The following LRMDA variants were observed in gnomAD, a reference collection of about 807,000 sequenced individuals.
LRMDA encodes leucine-rich melanocyte differentiation-associated protein.
In LRMDA, 18 loss-of-function variants were observed where a neutral mutation model predicts 29.8. The observed-to-expected ratio is 0.60, with a 90% CI of 0.42 to 0.90. The LOEUF is 0.90. LRMDA is among the 40% of genes least tolerant of loss of function. LRMDA has a pLI of 0.00. For synonymous variants in LRMDA, 125 were observed against 109.4 expected (o/e 1.14, Z -0.89); for missense variants, 273 against 273.9 (o/e 1.00, Z 0.02).
At chr10:75,765,998 G>A (rs923461600) in intron 2 of LRMDA, among the ~76,000 whole-genome samples, 8 of 152,200 alleles carry the variant, frequency 5.3e-5, no homozygotes, top group Non-Finnish European at 1.2e-4. Flanking sequence ...GGTGAGGAGG[G>A]CGTGGAGAAC....
intron 2 of LRMDA, among the ~76,000 whole-genome samples, chr10:75,774,963 G>A (rs1031532484): frequency 1.3e-4 from 20 of 152,332 alleles, no homozygotes; most frequent in Middle Eastern, 3.4e-3. Flanking sequence ...GGTGGGAGGT[G>A]TGGGGGAGGA....
At chr10:76,245,704 A>G (rs1477757188) in intron 5 of LRMDA, among the ~76,000 whole-genome samples, 1 of 152,158 alleles carries the variant, frequency 6.6e-6, no homozygotes, top group Non-Finnish European at 1.5e-5. Context: ...AATTGAACAC[A>G]TGTCTGTGTG....
At chr10:75,864,704 C>G (rs1230332743) in intron 2 of LRMDA, among the ~76,000 whole-genome samples, 1 of 152,158 alleles carries the variant, frequency 6.6e-6, no homozygotes. Context: ...AAATAATTTA[C>G]TTTTATCATC....
chr10:75,896,529 G>A (rs562305198), intron 2 of LRMDA, among the ~76,000 whole-genome samples: 4 of 152,184 alleles, frequency 2.6e-5, no homozygotes, highest in Non-Finnish European at 5.9e-5. Context: ...CCTGTGGCCT[G>A]TGGTGTTGCC....
In LRMDA at chr10:75,643,690, G is replaced by A. The variant is rs191200233; in HGVS notation, c.131+205196G>A. ...AATGAGTTGGGGCTGGAGTTAATTG[G>A]TAAGACCTCTTCCAACATTAGAATG... On this transcript the variant is annotated intron_variant, in intron 2 of 6. Transcript: ENST00000611255. 7.2e-5 allele frequency among the ~76,000 whole-genome samples: 11 copies of A among 152,254 alleles called. No homozygotes were observed. In the East Asian group the frequency reaches 2.1e-3, roughly 29 times the overall value.
intron 5 of LRMDA, among the ~76,000 whole-genome samples, chr10:76,213,269 T>C (rs140931555): frequency 1.3e-5 from 2 of 152,336 alleles, no homozygotes; most frequent in African/African-American, 4.8e-5. Context: ...TCAGACTGTA[T>C]ATGAGATTGG....
intron 2 of LRMDA, among the ~76,000 whole-genome samples, chr10:75,620,958 G>A (rs1991611): frequency 0.5 from 75,560 of 151,958 alleles, 19,603 homozygotes; most frequent in Middle Eastern, 0.6. Context: ...TGTACACTGT[G>A]CCCAGTGTGT....
At chr10:75,763,049 T>C (rs896241516) in intron 2 of LRMDA, among the ~76,000 whole-genome samples, 1 of 152,224 alleles carries the variant, frequency 6.6e-6, no homozygotes, top group Non-Finnish European at 1.5e-5. Context: ...TTATCCCTTT[T>C]TTCATGTCTA....
At position 76,058,471 on chromosome 10, in the gene LRMDA, T is replaced by C. The variant is rs538972567; in HGVS notation, c.399-195T>C. 2.4e-3 allele frequency among the ~76,000 whole-genome samples: 372 copies of C among 152,316 alleles called. 2 individuals are homozygous for C. The highest frequency in any genetic ancestry group is 7.5e-3 in the African/African-American group (311 of 41,568). ...TGTGCTTCTAATGTTTAGTTGTGCA[T>C]GTGTGTAAGATAGAATCATTCTGAC... On this transcript the variant is annotated intron_variant, in intron 4 of 6. Transcript: ENST00000611255.
intron 5 of LRMDA, among the ~76,000 whole-genome samples, chr10:76,131,054 G>A (rs1849983621): frequency 1.3e-5 from 2 of 152,112 alleles, no homozygotes; most frequent in African/African-American, 4.8e-5. Flanking sequence ...AGCAGCGAGG[G>A]CCACCCCGTT....
intron 2 of LRMDA, among the ~76,000 whole-genome samples, chr10:75,660,002 TCTCTTTCTCC>T (rs1182292119): frequency 1.3e-5 from 2 of 152,138 alleles, no homozygotes; most frequent in Admixed American, 1.3e-4. Context: ...TAGGCGACTT[TCTCTTTCTCC>T]CTCTTTCTCT....
chr10:75,479,379 C>T (rs188340763), intron 2 of LRMDA, among the ~76,000 whole-genome samples: 16 of 152,016 alleles, frequency 1.1e-4, no homozygotes, highest in East Asian at 1.9e-4. Flanking sequence ...TGGTCACAGG[C>T]GCCTGTAGTC....
At chr10:76,002,672 A>G (rs1847581550) in intron 2 of LRMDA, among the ~76,000 whole-genome samples, 1 of 152,246 alleles carries the variant, frequency 6.6e-6, no homozygotes, top group Non-Finnish European at 1.5e-5. Flanking sequence ...GAGTTACAAC[A>G]AAGAGACACA....
At chr10:75,796,381 T>C (rs1843653890) in intron 2 of LRMDA, among the ~76,000 whole-genome samples, 1 of 152,200 alleles carries the variant, frequency 6.6e-6, no homozygotes, top group African/African-American at 2.4e-5. Context: ...TTATCATGAA[T>C]GGGTATTGAC....
At chr10:75,681,566 T>A (rs1842023077) in intron 2 of LRMDA, among the ~76,000 whole-genome samples, 2 of 152,154 alleles carry the variant, frequency 1.3e-5, no homozygotes, top group Admixed American at 1.3e-4. Context: ...AGGCTGACCC[T>A]TCAGGGACAG....
chr10:75,752,342 G>C (rs957998298), intron 2 of LRMDA, among the ~76,000 whole-genome samples: 4 of 151,110 alleles, frequency 2.6e-5, no homozygotes, highest in African/African-American at 4.9e-5. Context: ...CTCCTGAGTA[G>C]CTGGGACTAC....
intron 2 of LRMDA, among the ~76,000 whole-genome samples, chr10:75,752,487 G>A (rs1045603328): frequency 2.6e-5 from 4 of 152,160 alleles, no homozygotes; most frequent in Admixed American, 6.5e-5. Context: ...TGGGATTACA[G>A]GTGTGAACCA....
intron 2 of LRMDA, among the ~76,000 whole-genome samples, chr10:75,703,672 G>C (rs1286166282): frequency 1.3e-5 from 2 of 152,086 alleles, no homozygotes; most frequent in Admixed American, 6.5e-5. Context: ...TTTACAGCTG[G>C]GTACCTATTA....
intron 5 of LRMDA, among the ~76,000 whole-genome samples, chr10:76,142,739 G>A (rs1204312154): frequency 6.7e-6 from 1 of 149,832 alleles, no homozygotes; most frequent in African/African-American, 2.5e-5. Context: ...TGTGCACAAT[G>A]TGCAGGTTTG....
Sources: gnomAD v4.1 joint callset for allele counts (sites outside exome capture counted in the v4.1 genomes callset) on GRCh38, gnomAD v4.1.1 for gene constraint, MANE v1.5 for transcripts, NCBI Gene and HGNC (gene_info 2026-07-23, HGNC 2026-07-21) for gene names.